The following CCDC83 variants were observed in gnomAD, a reference collection of about 807,000 sequenced individuals.
CCDC83 encodes coiled-coil domain-containing protein 83.
CCDC83 carries 54 observed loss-of-function variants against 50.1 expected under a neutral mutation model. The observed-to-expected ratio is 1.08, with a 90% CI of 0.87 to 1.35. The LOEUF (loss-of-function observed/expected upper bound fraction) is 1.35. Ranked by LOEUF, CCDC83 falls within the 40% of genes most tolerant of loss-of-function variation. The pLI is 0.00. For synonymous variants in CCDC83, 161 were observed against 153.3 expected (o/e 1.05, Z -0.37); for missense variants, 518 against 473.9 (o/e 1.09, Z -0.86).
chr11:85,878,785 T>C (rs2093282660), intron 3 of CCDC83, among the ~76,000 whole-genome samples: 1 of 152,184 alleles, frequency 6.6e-6, no homozygotes, highest in Non-Finnish European at 1.5e-5. Context: ...CCTTTTACAT[T>C]CCCACCATCA....
intron 5 of CCDC83, among the ~76,000 whole-genome samples, chr11:85,891,999 C>G (rs1181844328): frequency 6.6e-6 from 1 of 152,144 alleles, no homozygotes; most frequent in African/African-American, 2.4e-5. Context: ...TCTGCTAGCT[C>G]CTGTTCAGTT....
chr11:85,887,659 C>CATATATATATATATATAT (rs145805921), intron 5 of CCDC83, among the ~76,000 whole-genome samples: 1 of 148,638 alleles, frequency 6.7e-6, no homozygotes, highest in African/African-American at 2.5e-5. Flanking sequence ...ATATTCTATG[C>CATATATATATATATATAT]ATATATATAT....
intron 1 of CCDC83, among the ~76,000 whole-genome samples, chr11:85,858,497 C>T (rs972814884): frequency 5.9e-5 from 9 of 152,166 alleles, no homozygotes. Flanking sequence ...CTATTGACTC[C>T]CTGGGGCTGG....
At chr11:85,871,561 G>A (rs1393479002) in intron 2 of CCDC83, among the ~76,000 whole-genome samples, 1 of 152,070 alleles carries the variant, frequency 6.6e-6, no homozygotes, top group Non-Finnish European at 1.5e-5. Context: ...AAGGATATAA[G>A]GTTTAATTCA....
chr11:85,909,272 C>T (rs1473030504), intron 7 of CCDC83, among the ~76,000 whole-genome samples: 2 of 152,106 alleles, frequency 1.3e-5, no homozygotes, highest in Non-Finnish European at 2.9e-5. Flanking sequence ...TTCTAAGTAC[C>T]CATCTCAGTT....
At position 85,914,331 on chromosome 11, in the gene CCDC83, C is replaced by T. The variant is rs188347312; in HGVS notation, c.795-1088C>T. ...TACTTCATGCTGTCTTCAGGTAAAC[C>T]TCATGGAAATGCCATACAGAGTTTT... On this transcript the variant is annotated intron_variant, in intron 8 of 10. Coordinates refer to ENST00000342404, the MANE Select transcript of CCDC83 (RefSeq NM_001286159.2). Among the ~76,000 whole-genome samples, 193 of 152,290 alleles carry T rather than the reference C, an allele frequency of 1.3e-3. 1 individual carries two copies. The Middle Eastern group carries it at 0.014, about 11-fold the overall frequency.
intron 5 of CCDC83, among the ~76,000 whole-genome samples, chr11:85,886,790 G>C (rs2093329053): frequency 3.3e-5 from 5 of 152,180 alleles, no homozygotes; most frequent in African/African-American, 1.2e-4. Context: ...GCTCATGCCT[G>C]TAGCCCCAGC....
At chr11:85,874,848 A>G (rs190153260) in intron 3 of CCDC83, among the ~76,000 whole-genome samples, 2 of 152,296 alleles carry the variant, frequency 1.3e-5, no homozygotes, top group African/African-American at 4.8e-5. Flanking sequence ...AATAAAATCT[A>G]TCGTCTTTAC....
chr11:85,902,679 C>G (rs1052322721), intron 7 of CCDC83, among the ~76,000 whole-genome samples: 1 of 152,102 alleles, frequency 6.6e-6, no homozygotes, highest in Non-Finnish European at 1.5e-5. Flanking sequence ...TCCAGTCACC[C>G]AAGCCAGAAA....
chr11:85,864,949 C>G (rs961805337), intron 1 of CCDC83, 147 bp from the exon 2 acceptor site: 7 of 563,272 alleles, frequency 1.2e-5, no homozygotes, highest in African/African-American at 7.6e-5. Flanking sequence ...GATGTTCCAC[C>G]ATTGTGGTGA....
intron 5 of CCDC83, among the ~76,000 whole-genome samples, chr11:85,889,780 A>G (rs17744717): frequency 0.04 from 6,132 of 152,312 alleles, 144 homozygotes; most frequent in African/African-American, 0.067. Context: ...TGCAAGGAAG[A>G]GAGATCAAGT....
chr11:85,919,280 G>A, intron 10 of CCDC83, 69 bp from the exon 11 acceptor site: 1 of 1,414,024 alleles, frequency 7.1e-7, no homozygotes, highest in Non-Finnish European at 9.6e-7. Context: ...AATAAAGAAA[G>A]CCTAATCTAT....
chr11:85,894,896 A>C (rs2093365660), intron 5 of CCDC83, among the ~76,000 whole-genome samples: 1 of 152,218 alleles, frequency 6.6e-6, no homozygotes, highest in African/African-American at 2.4e-5. Context: ...AAGGCCTAAA[A>C]TTTTATGATT....
At chr11:85,916,812 C>A (rs1315299833) in intron 10 of CCDC83, 1 of 152,546 alleles carries the variant, frequency 6.6e-6, no homozygotes, top group Middle Eastern at 3.1e-3. Flanking sequence ...ACCCTAGAGA[C>A]CAAGATAAAA....
At chr11:85,905,332 C>T (rs1485761330) in intron 7 of CCDC83, among the ~76,000 whole-genome samples, 1 of 151,188 alleles carries the variant, frequency 6.6e-6, no homozygotes, top group Non-Finnish European at 1.5e-5. Flanking sequence ...ATCCCAGCTA[C>T]TCGGGAGGCT....
At chr11:85,899,414 T>C (rs776747380) in intron 7 of CCDC83, among the ~76,000 whole-genome samples, 3 of 152,236 alleles carry the variant, frequency 2.0e-5, no homozygotes, top group Non-Finnish European at 4.4e-5. Flanking sequence ...CCACTGACAT[T>C]TGAACCAGAT....
At chr11:85,871,711 G>A in intron 2 of CCDC83, among the ~76,000 whole-genome samples, 1 of 152,094 alleles carries the variant, frequency 6.6e-6, no homozygotes, top group East Asian at 1.9e-4. Context: ...GAATTGACTT[G>A]CCTGAGATCA....
intron 8 of CCDC83, among the ~76,000 whole-genome samples, chr11:85,915,211 T>A (rs1315382321): frequency 6.6e-6 from 1 of 152,180 alleles, no homozygotes; most frequent in Non-Finnish European, 1.5e-5. Flanking sequence ...TCTCACACTA[T>A]GGTAATTACC....
chr11:85,884,757 T>C (rs2135043321), intron 4 of CCDC83, among the ~76,000 whole-genome samples: 1 of 152,272 alleles, frequency 6.6e-6, no homozygotes, highest in Non-Finnish European at 1.5e-5. Flanking sequence ...TTTTACAATC[T>C]TCAGTGACAT....
Sources: allele counts gnomAD v4.1 joint callset (sites outside exome capture counted in the v4.1 genomes callset), GRCh38; gene constraint gnomAD v4.1.1; transcripts MANE v1.5; gene names NCBI Gene and HGNC (gene_info 2026-07-23, HGNC 2026-07-21).